The following STAB2 variants were observed in gnomAD, a reference collection of about 807,000 sequenced individuals.
STAB2 encodes stabilin-2.
Under a neutral mutation model 338.1 loss-of-function variants are expected in STAB2, and 288 were observed. The observed-to-expected ratio is 0.85, with a 90% CI of 0.77 to 0.94. The LOEUF (loss-of-function observed/expected upper bound fraction) is 0.94, where lower values mean the gene tolerates loss of function less well. Ranked by LOEUF, STAB2 falls within the 40% of genes least tolerant of loss-of-function variation. The probability of loss-of-function intolerance (pLI) is 0.00; values close to 1 mark genes in which losing one functional copy is unlikely to be tolerated. For missense variants in STAB2, 3,141 were observed against 3,210.1 expected, an observed-to-expected ratio of 0.98 and a Z score of 0.52; for synonymous variants, 1,202 against 1,193.3, an observed-to-expected ratio of 1.01 and a Z score of -0.15.
At chr12:103,711,230 C>G in intron 39 of STAB2, 1 of 547,514 alleles carries the variant, frequency 1.8e-6, no homozygotes, top group Non-Finnish European at 3.2e-6. Context: ...CTCTTGCATC[C>G]TCACTGCCTA....
intron 63 of STAB2, among the ~76,000 whole-genome samples, chr12:103,757,427 A>C (rs1195350672): frequency 1.3e-5 from 2 of 152,228 alleles, no homozygotes; most frequent in Admixed American, 1.3e-4. Flanking sequence ...TGCTTGAGAT[A>C]TATCAGTGAA....
At position 103,680,838 on chromosome 12, in the gene STAB2, G is replaced by A. The variant is rs191821651; in HGVS notation, c.2806-2367G>A. On this transcript the variant is annotated intron_variant, in intron 25 of 68. Coordinates refer to ENST00000388887, the MANE Select transcript of STAB2 (RefSeq NM_017564.10). ...CCAGAAAGTGAGAGAACAGATGCTA[G>A]CCAGACAAAATGAAACAGATGTTCC... Among the ~76,000 whole-genome samples the A allele has an allele frequency of 5.3e-5, 8 of 152,336 alleles. No homozygotes were observed. In the East Asian group the frequency reaches 1.5e-3, roughly 29 times the overall value.
At chr12:103,597,389 T>C (rs928584418) in intron 3 of STAB2, among the ~76,000 whole-genome samples, 1 of 152,216 alleles carries the variant, frequency 6.6e-6, no homozygotes, top group African/African-American at 2.4e-5. Flanking sequence ...TTTTAATGCA[T>C]TGACAAATAC....
chr12:103,591,433 C>T (rs1430314926), intron 2 of STAB2, among the ~76,000 whole-genome samples: 3 of 151,990 alleles, frequency 2.0e-5, no homozygotes, highest in Non-Finnish European at 4.4e-5. Context: ...TGCAGTGAGC[C>T]GAGATCAAGC....
At chr12:103,651,808 G>A (rs1047503994) in intron 11 of STAB2, among the ~76,000 whole-genome samples, 2 of 152,208 alleles carry the variant, frequency 1.3e-5, no homozygotes, top group Admixed American at 1.3e-4. Context: ...CTTAATCCAA[G>A]ATATTTTGTG....
chr12:103,730,122 G>C lies in STAB2; in HGVS notation c.5089G>C (p.Val1697Leu), dbSNP rs141025187. ...TGTTTTTGGTTGATTTCAGAGCACG[G>C]TGTATATAAACAATAAGGCTAAGAT... ...PIVISVSQSTVYINNKAKIIS... is the reference protein window; with the variant it reads ...PIVISVSQSTLYINNKAKIIS... The change falls in exon 49 of 69, where the codon GTG (valine) becomes CTG (leucine). Residue 1697 changes from valine (V) to leucine (L), a missense_variant. By Grantham distance (32) the Val-to-Leu change is conservative. Transcript: ENST00000388887. The C allele has an allele frequency of 1.1e-5, 18 of 1,591,026 alleles. No homozygotes were observed. The African/African-American group carries it at 1.9e-4, about 17-fold the overall frequency.
rs990008394 is a variant in STAB2, at chr12:103,730,373, A to G, written c.5223+117A>G. The G allele has an allele frequency of 1.7e-5, 20 of 1,185,136 alleles. No individual in the cohort carries two copies. In the African/African-American group the frequency reaches 2.4e-4, roughly 14 times the overall value. The allele number at this position is 1,185,136 out of a possible 1,614,324, so 73.4% of individuals were successfully genotyped here. On this transcript the variant is annotated intron_variant, in intron 49 of 68. Coordinates refer to ENST00000388887, the MANE Select transcript of STAB2 (RefSeq NM_017564.10). ...TCTTTTTCTGCTTCAATCTCAAGCT[A>G]TTATTAAAAGCCTAGTAAACATTAT...
At chr12:103,595,512 T>C (rs182797191) in intron 3 of STAB2, among the ~76,000 whole-genome samples, 4 of 152,306 alleles carry the variant, frequency 2.6e-5, no homozygotes, top group Admixed American at 2.6e-4. Context: ...AACTTGTAAA[T>C]AGTTGAATCC....
rs150682523 is a variant in STAB2 at position 103,587,510 on chromosome 12, G to C, written c.34G>C (p.Gly12Arg). 6.8e-6 allele frequency: 11 copies of C among 1,614,010 alleles called. No homozygotes were observed. The South Asian group carries it at 9.9e-5, about 15-fold the overall frequency. Residue 12 changes from glycine (G) to arginine (R), a missense_variant, in exon 1 of 69, where the codon GGA (glycine) becomes CGA (arginine). Transcript: ENST00000388887. The stretch of plus-strand genomic sequence containing the variant: ...ACAACATTTAGTAATTTTTTGTCTT[G>C]GATTGGTTGTACAAAATTTCTGCTC... ...MLQHLVIFCL[G>R]LVVQNFCSPA...
intron 2 of STAB2, among the ~76,000 whole-genome samples, chr12:103,592,505 G>A: frequency 6.6e-6 from 1 of 151,998 alleles, no homozygotes; most frequent in East Asian, 1.9e-4. Flanking sequence ...ACTCAAGATT[G>A]GTTCTTTTGT....
chr12:103,685,575 G>A (rs1457763836), intron 27 of STAB2, among the ~76,000 whole-genome samples: 2 of 152,254 alleles, frequency 1.3e-5, no homozygotes, highest in African/African-American at 4.8e-5. Context: ...ACAACCTTCT[G>A]CTACTATTAT....
Position 103,695,561 on chromosome 12 carries a change from A to C in STAB2, c.3387A>C (p.Pro1129=). ...VIHIINKVLV[P]QRRLTGSLPN... ...GTTTCTTTTTTCAGGTGCTGGTCCC[A>C]CAAAGACGTCTAACTGGCTCCTTAC... The change falls in exon 32 of 69, where the codon CCA becomes CCC. Residue 1129 remains proline, a synonymous_variant. Transcript: ENST00000388887. The C allele has an allele frequency of 1.9e-6, 3 of 1,614,182 alleles. No homozygotes were observed. Among genetic ancestry groups the C allele is most frequent in the Middle Eastern group, 1.7e-4 (1 of 6,060 alleles).
In STAB2 at chr12:103,631,709, T is replaced by C. The variant is rs751747758; in HGVS notation, c.583+16T>C. On this transcript the variant is annotated intron_variant, in intron 6 of 68. Transcript: ENST00000388887. ...TGTGACAAGCGTAAGTACTGCTAGT[T>C]CCCTTAATGCCACACCAGATCAAAC... 10 of 1,610,492 alleles carry C rather than the reference T, an allele frequency of 6.2e-6. No homozygotes were observed. The South Asian group carries it at 1.1e-4, about 18-fold the overall frequency.
intron 59 of STAB2, among the ~76,000 whole-genome samples, chr12:103,749,452 G>A (rs1422833220): frequency 6.6e-6 from 1 of 152,236 alleles, no homozygotes; most frequent in African/African-American, 2.4e-5. Context: ...GACATCAGGG[G>A]AAAGTGGGTA....
At chr12:103,711,303 C>T in intron 39 of STAB2, 168 bp from the exon 40 acceptor site, 1 of 854,870 alleles carries the variant, frequency 1.2e-6, no homozygotes, top group East Asian at 2.7e-5. Context: ...TGGCTTTGAG[C>T]TTCATGGCAG....
chr12:103,654,688 G>A lies in STAB2; in HGVS notation c.1541G>A (p.Ser514Asn). The A allele has an allele frequency of 1.2e-6, 2 of 1,613,662 alleles. No individual in the cohort carries two copies. Among genetic ancestry groups the A allele is most frequent in the Non-Finnish European group, 1.7e-6 (2 of 1,179,856 alleles). The change falls in exon 13 of 69, where the codon AGC (serine) becomes AAC (asparagine). Residue 514 changes from serine (S) to asparagine (N), a missense_variant. Ser to Asn is a conservative substitution (Grantham distance 46). Transcript: ENST00000388887. ...GACAAGTTAGAACCCACATTTGAGA[G>A]CAACAATGAGGTGAGTATTCAGATA... ...AMDKLEPTFE[S>N]NNEQTIMTML...
chr12:103,613,767 T>C (rs1957166662), intron 3 of STAB2, among the ~76,000 whole-genome samples: 1 of 152,172 alleles, frequency 6.6e-6, no homozygotes. Flanking sequence ...ATCATCCGTC[T>C]TCTGCGTCGC....
chr12:103,686,919 A>G (rs1003791876), intron 27 of STAB2, among the ~76,000 whole-genome samples: 3 of 152,092 alleles, frequency 2.0e-5, no homozygotes, highest in African/African-American at 7.2e-5. Flanking sequence ...GGTGCACCTC[A>G]GCCCTCCTCT....
At chr12:103,748,361 G>A (rs1470531791) in intron 58 of STAB2, among the ~76,000 whole-genome samples, 2 of 152,084 alleles carry the variant, frequency 1.3e-5, no homozygotes, top group Non-Finnish European at 2.9e-5. Flanking sequence ...TCGTTGGGTC[G>A]ATATTTGGGG....
Sources: gnomAD v4.1 joint callset for allele counts (sites outside exome capture counted in the v4.1 genomes callset) on GRCh38, gnomAD v4.1.1 for gene constraint, MANE v1.5 for transcripts, NCBI Gene and HGNC (gene_info 2026-07-23, HGNC 2026-07-21) for gene names.